Variants in ADGB observed in about 807,000 individuals in gnomAD.
The protein encoded by ADGB is calpain-7-like protein.
In ADGB, 172 loss-of-function variants were observed where a neutral mutation model predicts 210.5. The ratio of observed to expected loss-of-function variants is 0.82; its 90% confidence interval spans 0.72 to 0.93. The LOEUF is 0.93. ADGB is among the 40% of genes least tolerant of loss of function. The pLI, the probability that ADGB is intolerant of heterozygous loss-of-function variation, is 0.00. For synonymous variants in ADGB, 658 were observed against 662.7 expected (o/e 0.99, Z 0.11); for missense variants, 2,025 against 1,964.8 (o/e 1.03, Z -0.58).
chr6:146,767,569 A>G (rs1274163110), intron 28 of ADGB, among the ~76,000 whole-genome samples: 1 of 152,070 alleles, frequency 6.6e-6, no homozygotes, highest in Non-Finnish European at 1.5e-5. Context: ...ACGGGGTTCA[A>G]GTGATTCTCT....
intron 33 of ADGB, among the ~76,000 whole-genome samples, chr6:146,799,058 C>CAAAAAAAAAAAAAAA (rs71552962): frequency 1.4e-4 from 9 of 63,500 alleles, no homozygotes; most frequent in African/African-American, 2.7e-4. Context: ...TATGGAAATG[C>CAAAAAAAAAAAAAAA]AAAAAAAAAA....
At chr6:146,745,032 T>G (rs746583622) in intron 25 of ADGB, among the ~76,000 whole-genome samples, 1 of 152,178 alleles carries the variant, frequency 6.6e-6, no homozygotes, top group African/African-American at 2.4e-5. Flanking sequence ...TGTCATAAAG[T>G]CCTTACTGGT....
intron 26 of ADGB, among the ~76,000 whole-genome samples, chr6:146,747,754 C>A (rs1777261006): frequency 6.8e-6 from 1 of 146,922 alleles, no homozygotes. Flanking sequence ...TATATATATG[C>A]ATGTGTATAT....
chr6:146,640,464 A>G (rs926571756), intron 2 of ADGB, among the ~76,000 whole-genome samples: 1 of 152,018 alleles, frequency 6.6e-6, no homozygotes, highest in Admixed American at 6.6e-5. Context: ...GCAAAAAATG[A>G]AAACTTCATC....
At chr6:146,693,081 G>A (rs1434687245) in intron 12 of ADGB, among the ~76,000 whole-genome samples, 166 bp downstream of exon 12, 1 of 152,144 alleles carries the variant, frequency 6.6e-6, no homozygotes, top group African/African-American at 2.4e-5. Flanking sequence ...ACCTTTTATA[G>A]CTTGTAGTTA....
At chr6:146,611,209 G>T (rs1314226388) in intron 1 of ADGB, among the ~76,000 whole-genome samples, 1 of 151,972 alleles carries the variant, frequency 6.6e-6, no homozygotes, top group Middle Eastern at 3.2e-3. Flanking sequence ...ATCTGAGGCT[G>T]TGCTGCAAGC....
chr6:146,692,992 C>T, intron 12 of ADGB, 77 bp downstream of exon 12: 1 of 724,866 alleles, frequency 1.4e-6, no homozygotes, highest in East Asian at 2.9e-5. Flanking sequence ...AAGATAACAC[C>T]AAATGGGAGC....
chr6:146,633,820 G>A (rs1158104109), intron 1 of ADGB, among the ~76,000 whole-genome samples: 1 of 152,008 alleles, frequency 6.6e-6, no homozygotes, highest in Non-Finnish European at 1.5e-5. Flanking sequence ...CCACTGATGA[G>A]CCTCATATAT....
intron 35 of ADGB, among the ~76,000 whole-genome samples, chr6:146,813,128 A>C (rs1362939487): frequency 6.6e-6 from 1 of 152,094 alleles, no homozygotes; most frequent in East Asian, 1.9e-4. Flanking sequence ...GCCCCTGTTT[A>C]CTAGATTTCT....
In ADGB at chr6:146,733,907, G is replaced by A. The variant is rs61742778; in HGVS notation, c.2671G>A (p.Val891Ile). 4.3e-3 allele frequency: 6,678 copies of A among 1,551,542 alleles called. 56 individuals carry two copies. Among genetic ancestry groups the A allele is most frequent in the South Asian group, 0.021 (1,796 of 84,016 alleles). ...TCCCTTTCCAGTGGAATGGCTGGAC[G>A]TTAAATATTGTATGCCCACAAGTGA... The part of the protein sequence containing the change: ...EEVSLVEWLD[V>I]KYCMPTSDKE... Residue 891 changes from valine (V) to isoleucine (I), a missense_variant, in exon 22 of 36, where the codon GTT (valine) becomes ATT (isoleucine). By Grantham distance (29) the Val-to-Ile change is conservative (BLOSUM62 3). Coordinates refer to ENST00000397944, the MANE Select transcript of ADGB (RefSeq NM_024694.4).
At chr6:146,677,148 C>G (rs899753241) in intron 9 of ADGB, among the ~76,000 whole-genome samples, 1 of 152,110 alleles carries the variant, frequency 6.6e-6, no homozygotes, top group Non-Finnish European at 1.5e-5. Flanking sequence ...CCAGCTAAAA[C>G]AGTCTAGGTA....
At chr6:146,764,642 G>C (rs1258798641) in intron 28 of ADGB, among the ~76,000 whole-genome samples, 1 of 151,998 alleles carries the variant, frequency 6.6e-6, no homozygotes, top group Non-Finnish European at 1.5e-5. Flanking sequence ...AATCCAAATA[G>C]ATCAAATTAA....
chr6:146,708,840 C>T (rs987491554), intron 13 of ADGB, among the ~76,000 whole-genome samples: 1 of 152,154 alleles, frequency 6.6e-6, no homozygotes. Flanking sequence ...ACTCCTATCA[C>T]TCAAATATTT....
chr6:146,747,433 A>G (rs906210446), intron 26 of ADGB, among the ~76,000 whole-genome samples: 1 of 152,198 alleles, frequency 6.6e-6, no homozygotes, highest in Non-Finnish European at 1.5e-5. Flanking sequence ...AGCTGGTATT[A>G]AAGTCATCAA....
Position 146,691,307 on chromosome 6 carries a change from C to A in ADGB, c.1486+17C>A. 1.3e-6 allele frequency: 2 copies of A among 1,511,300 alleles called. No individual in the cohort carries two copies. The highest frequency in any genetic ancestry group is 2.5e-5 in the East Asian group (1 of 40,188). The allele number at this position is 1,511,300 out of a possible 1,614,324, so 93.6% of individuals were successfully genotyped here. A position where few individuals can be genotyped will look rare whatever the true frequency, so the allele number is the denominator to read the frequency against. On this transcript the variant is annotated intron_variant, in intron 11 of 35. Coordinates refer to ENST00000397944, the MANE Select transcript of ADGB (RefSeq NM_024694.4). The stretch of plus-strand genomic sequence containing the variant: ...AAGCTCAAGGTATGTATCACATCAT[C>A]TTCAAATCCTTCTAATTAATGTATG...
chr6:146,678,266 G>A (rs753578163), intron 9 of ADGB, among the ~76,000 whole-genome samples: 10 of 151,988 alleles, frequency 6.6e-5, no homozygotes, highest in African/African-American at 9.7e-5. Context: ...TTGCTGTGTC[G>A]CCCAGGCTGG....
At chr6:146,763,481 A>G (rs1345929252) in intron 27 of ADGB, among the ~76,000 whole-genome samples, 1 of 152,192 alleles carries the variant, frequency 6.6e-6, no homozygotes, top group Non-Finnish European at 1.5e-5. Flanking sequence ...CCATTTTTAA[A>G]CCTATCAGCA....
chr6:146,721,501 T>C lies in ADGB; in HGVS notation c.2091T>C (p.Tyr697=). 1.3e-6 allele frequency: 2 copies of C among 1,531,096 alleles called. No homozygotes were observed. The highest frequency in any genetic ancestry group is 1.2e-5 in the South Asian group (1 of 83,510). 94.8% of individuals were successfully genotyped at this position (1,531,096 alleles called of 1,614,324 possible). ...CFSALVRWGE[Y]GALTKDSPPI... ...CTGCATTGGTACGCTGGGGGGAGTA[T>C]GGAGGTAAGAGGGCTCTGAGAAAAT... Residue 697 remains tyrosine (Y), a synonymous_variant, in exon 17 of 36, where the codon TAT becomes TAC. Coordinates refer to ENST00000397944, the MANE Select transcript of ADGB (RefSeq NM_024694.4).
chr6:146,682,268 A>G (rs1776168179), intron 9 of ADGB, among the ~76,000 whole-genome samples: 2 of 152,156 alleles, frequency 1.3e-5, no homozygotes, highest in Admixed American at 6.6e-5. Flanking sequence ...TACGTATTTT[A>G]TAGCAGTCTT....
Sources: gnomAD v4.1 joint callset for allele counts (sites outside exome capture counted in the v4.1 genomes callset) on GRCh38, gnomAD v4.1.1 for gene constraint, MANE v1.5 for transcripts, NCBI Gene and HGNC (gene_info 2026-07-23, HGNC 2026-07-21) for gene names.